STXBP5: variants seen among roughly 807,000 people sequenced by gnomAD.
STXBP5 encodes syntaxin-binding protein 5.
A neutral mutation model predicts 152.4 loss-of-function variants in STXBP5; 50 were observed. The ratio of observed to expected loss-of-function variants is 0.33; its 90% CI spans 0.26 to 0.42. The LOEUF is 0.42. Ranked by LOEUF, STXBP5 falls within the 10% of genes least tolerant of loss-of-function variation. The probability of loss-of-function intolerance (pLI) is 1.00; values close to 1 mark genes in which losing one functional copy is unlikely to be tolerated. For missense variants in STXBP5, 1,167 were observed against 1,388.6 expected, an observed-to-expected ratio of 0.84 and a Z score of 2.54; for synonymous variants, 492 against 494.7, an observed-to-expected ratio of 0.99 and a Z score of 0.07.
intron 8 of STXBP5, among the ~76,000 whole-genome samples, chr6:147,286,381 T>C (rs1207542188): frequency 6.6e-6 from 1 of 152,162 alleles, no homozygotes; most frequent in African/African-American, 2.4e-5. Flanking sequence ...CAAGTATATA[T>C]TTATAAAAAT....
At position 147,359,082 on chromosome 6, in the gene STXBP5, A is replaced by G; in HGVS notation, c.2306-2A>G. 1 of 1,612,720 alleles carries G rather than the reference A, an allele frequency of 6.2e-7. No homozygotes were observed. Among genetic ancestry groups the G allele is most frequent in the East Asian group, 2.2e-5 (1 of 44,858 alleles). On this transcript the variant is annotated splice_acceptor_variant, in intron 22 of 27. Transcript: ENST00000321680. LOFTEE classifies it high-confidence loss of function. Reference sequence around the variant, plus strand: ...ATCTCACAACATTTTTAACCATTTCAGATGTAAAGGATAACTCCTTTAGCC... The same window carrying G: ...ATCTCACAACATTTTTAACCATTTCGGATGTAAAGGATAACTCCTTTAGCC...
chr6:147,254,311 T>A (rs185481257), intron 4 of STXBP5, among the ~76,000 whole-genome samples: 1 of 152,328 alleles, frequency 6.6e-6, no homozygotes, highest in East Asian at 1.9e-4. Flanking sequence ...ATTAAAGATT[T>A]TAATGTAAGA....
intron 18 of STXBP5, among the ~76,000 whole-genome samples, chr6:147,328,168 C>T (rs952294671): frequency 1.3e-5 from 2 of 152,224 alleles, no homozygotes; most frequent in South Asian, 4.1e-4. Flanking sequence ...GTACTTCTTG[C>T]CCTTTTTTTA....
intron 9 of STXBP5, among the ~76,000 whole-genome samples, chr6:147,296,466 A>T (rs1241224602): frequency 6.6e-6 from 1 of 151,868 alleles, no homozygotes; most frequent in Non-Finnish European, 1.5e-5. Flanking sequence ...CTAGCATAAC[A>T]CCCATATACA....
At chr6:147,205,913 C>T in intron 1 of STXBP5, 58 bp from the exon 2 acceptor site, 1 of 1,360,336 alleles carries the variant, frequency 7.4e-7, no homozygotes, top group Non-Finnish European at 1.0e-6. Context: ...TATTGACTTT[C>T]TATTTTAAAA....
intron 4 of STXBP5, 75 bp downstream of exon 4, chr6:147,239,345 TTG>T: frequency 2.3e-6 from 3 of 1,295,252 alleles, no homozygotes; most frequent in Non-Finnish European, 3.3e-6. Flanking sequence ...CTTTGATTTT[TTG>T]TGTGTGATGG....
intron 25 of STXBP5, among the ~76,000 whole-genome samples, chr6:147,370,847 T>G (rs1321670123): frequency 3.9e-5 from 6 of 152,074 alleles, no homozygotes; most frequent in Admixed American, 3.9e-4. Context: ...TTTTTCAGAC[T>G]CAATACTCTT....
rs1776437905 is a variant in STXBP5, at chr6:147,204,573, C to T, written c.41C>T (p.Thr14Ile). 6.2e-7 allele frequency: 1 copy of T among 1,610,142 alleles called. No homozygotes were observed. Among genetic ancestry groups the T allele is most frequent in the South Asian group, 1.1e-5 (1 of 90,968 alleles). The change falls in exon 1 of 28, where the codon ACC (threonine) becomes ATC (isoleucine). Residue 14 changes from threonine (T) to isoleucine (I), a missense_variant. Transcript: ENST00000321680. The surrounding 1 kb of genome is among the most constrained non-coding windows in gnomAD (Gnocchi z 4.3). ...FNIRKVLDGL[T>I]AGSSSASQQQ... ...ATCAGGAAGGTGCTGGACGGCCTGA[C>T]CGCCGGCTCGTCCTCGGCGTCGCAG... is the stretch of plus-strand genomic sequence containing the variant.
At position 147,385,647 on chromosome 6, in the gene STXBP5, A is replaced by G. The variant is rs1191959352; in HGVS notation, c.*892A>G. The G allele has an allele frequency of 6.6e-6, 1 of 152,134 alleles. No individual in the cohort carries two copies. The highest frequency in any genetic ancestry group is 1.5e-5 in the Non-Finnish European group (1 of 68,000). The allele number at this position is 152,134 out of a possible 1,614,324, so 9.4% of individuals were successfully genotyped here. On this transcript the variant is annotated 3_prime_UTR_variant, in exon 28 of 28. Transcript: ENST00000321680. ...CTGGTTAAATTTGTAGAAATGTTGA[A>G]ATTGGCTGTGTTTTAAATTTTGCTT... is the stretch of plus-strand genomic sequence containing the variant.
Position 147,388,838 on chromosome 6 carries a change from T to G in STXBP5, c.*4083T>G, listed in dbSNP as rs1257365601. The stretch of plus-strand genomic sequence containing the variant: ...TATATATATATATTTAAAATAGTTT[T>G]CCAGGTATTTTCTTCTACCTTTTTT... On this transcript the variant is annotated 3_prime_UTR_variant, in exon 28 of 28. Transcript: ENST00000321680. 6.6e-6 allele frequency: 1 copy of G among 150,792 alleles called. No homozygotes were observed. 9.3% of individuals were successfully genotyped at this position (150,792 alleles called of 1,614,324 possible).
chr6:147,277,438 G>A (rs772709792), intron 7 of STXBP5, among the ~76,000 whole-genome samples: 4 of 151,998 alleles, frequency 2.6e-5, no homozygotes, highest in Non-Finnish European at 5.9e-5. Flanking sequence ...TACCAAAATT[G>A]AAATAATATT....
chr6:147,288,064 A>G (rs1280742804), intron 8 of STXBP5, among the ~76,000 whole-genome samples: 1 of 151,970 alleles, frequency 6.6e-6, no homozygotes, highest in African/African-American at 2.4e-5. Context: ...TTAGACCGCC[A>G]TGAATGTGTC....
intron 7 of STXBP5, among the ~76,000 whole-genome samples, 184 bp from the exon 8 acceptor site, chr6:147,277,896 TA>T (rs1213411591): frequency 1.2e-4 from 19 of 152,150 alleles, no homozygotes; most frequent in African/African-American, 4.1e-4. Context: ...AAAACAGTGT[TA>T]ATATGAAGAA....
chr6:147,267,563 C>T (rs966260203), intron 7 of STXBP5, among the ~76,000 whole-genome samples: 83 of 152,066 alleles, frequency 5.5e-4, no homozygotes, highest in African/African-American at 1.7e-3. Context: ...TCTCCTTTTG[C>T]TCCTCACTTC....
chr6:147,389,076 T>G lies in STXBP5; in HGVS notation c.*4321T>G, dbSNP rs1583027013. On this transcript the variant is annotated 3_prime_UTR_variant, in exon 28 of 28. Coordinates refer to ENST00000321680, the MANE Select transcript of STXBP5 (RefSeq NM_001127715.4). ...TTCCCTTTTAGGGTATTTGTTCTCT[T>G]GGATTGAAATTTATGCCCACAGATT... 1 of 151,666 alleles carries G rather than the reference T, an allele frequency of 6.6e-6. No individual in the cohort carries two copies. The highest frequency in any genetic ancestry group is 1.9e-4 in the East Asian group (1 of 5,182). The allele number at this position is 151,666 out of a possible 1,614,324, so 9.4% of individuals were successfully genotyped here. A position where few individuals can be genotyped will look rare whatever the true frequency, so the allele number is the denominator to read the frequency against.
intron 18 of STXBP5, chr6:147,328,835 T>C (rs1358441492): frequency 2.2e-6 from 1 of 460,994 alleles, no homozygotes; most frequent in Non-Finnish European, 4.4e-6. Flanking sequence ...ATTGGGAGTT[T>C]TTGTGTTCAT....
At position 147,356,419 on chromosome 6, in the gene STXBP5, T is replaced by G. The variant is rs138735309; in HGVS notation, c.2306-2665T>G. Among the ~76,000 whole-genome samples the G allele has an allele frequency of 2.5e-3, 386 of 151,972 alleles. 2 individuals are homozygous for G. The highest frequency in any genetic ancestry group is 8.7e-3 in the African/African-American group (363 of 41,564). On this transcript the variant is annotated intron_variant, in intron 22 of 27. Transcript: ENST00000321680. ...ATCATTGTAAAATTTTAAAAATGTA[T>G]TTTGCTAAAATAACTTTGGAAACCA...
chr6:147,367,708 ACATC>A (rs1285668475), intron 25 of STXBP5, among the ~76,000 whole-genome samples: 2 of 152,096 alleles, frequency 1.3e-5, no homozygotes, highest in African/African-American at 2.4e-5. Context: ...AAAATAATAA[ACATC>A]CAAGTGGAAA....
chr6:147,221,053 ACTT>A (rs1405843716), intron 2 of STXBP5, among the ~76,000 whole-genome samples: 1 of 151,806 alleles, frequency 6.6e-6, no homozygotes, highest in Non-Finnish European at 1.5e-5. Flanking sequence ...TATCAGTTAT[ACTT>A]CTTTTATTTT....
Sources: gnomAD v4.1 joint callset for allele counts (sites outside exome capture counted in the v4.1 genomes callset) on GRCh38, gnomAD v4.1.1 for gene constraint, Gnocchi (gnomAD v3.1) non-coding constraint, MANE v1.5 for transcripts, NCBI Gene and HGNC (gene_info 2026-07-23, HGNC 2026-07-21) for gene names.